FOXK2: variants seen among roughly 807,000 people sequenced by gnomAD.
The protein encoded by FOXK2 is forkhead box K2.
In FOXK2, 24 loss-of-function variants were observed where a neutral mutation model predicts 53.3. The observed-to-expected ratio is 0.45, with a 90% confidence interval of 0.33 to 0.63. The LOEUF is 0.63. FOXK2 is among the 30% of genes least tolerant of loss of function. The pLI is 0.03. For missense variants in FOXK2, 952 were observed against 910.5 expected, an observed-to-expected ratio of 1.05 and a Z score of -0.59; for synonymous variants, 505 against 407.1, an observed-to-expected ratio of 1.24 and a Z score of -2.89.
intron 3 of FOXK2, among the ~76,000 whole-genome samples, chr17:82,569,076 A>C (rs987097841): frequency 1.3e-5 from 2 of 152,194 alleles, no homozygotes; most frequent in Non-Finnish European, 2.9e-5. Flanking sequence ...GGTGATTAGG[A>C]TATTGTGCTT....
chr17:82,599,981 G>A (rs935134815), intron 8 of FOXK2: 1 of 152,750 alleles, frequency 6.5e-6, no homozygotes, highest in Non-Finnish European at 1.5e-5. Flanking sequence ...AGCCTGAAGT[G>A]GTTGCTGCAC....
intron 1 of FOXK2, among the ~76,000 whole-genome samples, chr17:82,531,834 A>G (rs897465754): frequency 6.6e-6 from 1 of 152,118 alleles, no homozygotes; most frequent in Non-Finnish European, 1.5e-5. Flanking sequence ...AACACTGGAC[A>G]TTTAGGCTAT....
At chr17:82,588,984 G>C (rs964671823) in intron 8 of FOXK2, among the ~76,000 whole-genome samples, 1 of 151,468 alleles carries the variant, frequency 6.6e-6, no homozygotes, top group African/African-American at 2.4e-5. Context: ...GCTTGAACCC[G>C]AGTGTGGAGG....
At chr17:82,594,370 C>T (rs1598239540) in intron 8 of FOXK2, among the ~76,000 whole-genome samples, 1 of 152,112 alleles carries the variant, frequency 6.6e-6, no homozygotes, top group East Asian at 1.9e-4. Context: ...TGGTGGCGGG[C>T]GCCTGTAGTC....
chr17:82,601,577 G>A lies in FOXK2; in HGVS notation c.*78G>A. The A allele has an allele frequency of 1.4e-6, 2 of 1,412,670 alleles. No homozygotes were observed. The highest frequency in any genetic ancestry group is 1.9e-6 in the Non-Finnish European group (2 of 1,056,198). The allele number at this position is 1,412,670 out of a possible 1,614,324, so 87.5% of individuals were successfully genotyped here. On this transcript the variant is annotated 3_prime_UTR_variant, in exon 9 of 9. Transcript: ENST00000335255. ...ACGCGGCCTCCCGCCAGCACTCGGG[G>A]GTGCAGGGCCCTGTGGTTGGACTTC...
At position 82,563,814 on chromosome 17, in the gene FOXK2, CTA is replaced by C. The variant is rs544098186; in HGVS notation, c.614+268_614+269del. Among the ~76,000 whole-genome samples the C allele has an allele frequency of 8.4e-3, 1,049 of 125,570 alleles. 7 individuals are homozygous for C. Among genetic ancestry groups the C allele is most frequent in the Non-Finnish European group, 0.013 (811 of 61,604 alleles). 82.4% of individuals were successfully genotyped at this position (125,570 alleles called of 152,430 possible). A position where few individuals can be genotyped will look rare whatever the true frequency, so the allele number is the denominator to read the frequency against. ...TTGCCCAGGCTGGAGTGCAGTGGTGCTATCTTGGCTCACTGCAACCTCTGCCT... is the reference window on the plus strand; with the variant it reads ...TTGCCCAGGCTGGAGTGCAGTGGTGCTCTTGGCTCACTGCAACCTCTGCCT... On this transcript the variant is annotated intron_variant, in intron 2 of 8. Transcript: ENST00000335255.
At chr17:82,555,152 C>T (rs1328424884) in intron 1 of FOXK2, among the ~76,000 whole-genome samples, 1 of 152,192 alleles carries the variant, frequency 6.6e-6, no homozygotes, top group Non-Finnish European at 1.5e-5. Flanking sequence ...CACTTAAACT[C>T]CATCATTGAC....
In FOXK2 at chr17:82,553,894, C is replaced by T. The variant is rs146865217; in HGVS notation, c.420-9460C>T. Among the ~76,000 whole-genome samples the T allele has an allele frequency of 2.5e-3, 386 of 152,094 alleles. 1 individual carries two copies. Among genetic ancestry groups the T allele is most frequent in the African/African-American group, 8.7e-3 (359 of 41,484 alleles). ...CTGTTGCCAGGCTGGAGGGCAGTGG[C>T]GTGATCTCAGCTCACTGCAGTCTCC... is the stretch of plus-strand genomic sequence containing the variant. On this transcript the variant is annotated intron_variant, in intron 1 of 8. Transcript: ENST00000335255.
At chr17:82,539,480 C>T (rs2044553678) in intron 1 of FOXK2, among the ~76,000 whole-genome samples, 1 of 151,734 alleles carries the variant, frequency 6.6e-6, no homozygotes, top group South Asian at 2.1e-4. Flanking sequence ...GACCCTGTCT[C>T]TACAAAAAAA....
intron 6 of FOXK2, among the ~76,000 whole-genome samples, chr17:82,584,509 A>C: frequency 7.4e-6 from 1 of 136,032 alleles, no homozygotes; most frequent in East Asian, 2.5e-4. Context: ...ACAAAAACCC[A>C]TGAAGTAGAC....
Position 82,584,197 on chromosome 17 carries a change from G to A in FOXK2, c.1279+9G>A. 1 of 1,580,978 alleles carries A rather than the reference G, an allele frequency of 6.3e-7. No homozygotes were observed. Among genetic ancestry groups the A allele is most frequent in the Non-Finnish European group, 8.6e-7 (1 of 1,162,480 alleles). On this transcript the variant is annotated intron_variant, in intron 6 of 8. Coordinates refer to ENST00000335255, the MANE Select transcript of FOXK2 (RefSeq NM_004514.4). ...TGCCCAGAGCGCCCCAGGTGAGACA[G>A]CGGGAGAGGAAGCGAGGGCCCCAAC...
At chr17:82,572,557 G>A (rs554684923) in intron 4 of FOXK2, among the ~76,000 whole-genome samples, 1 of 150,596 alleles carries the variant, frequency 6.6e-6, no homozygotes, top group South Asian at 2.1e-4. Context: ...TTTAGATTAT[G>A]TAGGTTTTTT....
intron 2 of FOXK2, among the ~76,000 whole-genome samples, chr17:82,567,231 C>T (rs1198947823): frequency 1.3e-5 from 2 of 152,186 alleles, no homozygotes; most frequent in Non-Finnish European, 2.9e-5. Flanking sequence ...TTTCCCCAAA[C>T]ACACCTCTCT....
At chr17:82,595,940 A>C (rs2045305531) in intron 8 of FOXK2, 1 of 1,255,170 alleles carries the variant, frequency 8.0e-7, no homozygotes, top group Non-Finnish European at 1.0e-6. Context: ...CGACAGGTGG[A>C]AGGTTGTCCA....
intron 8 of FOXK2, among the ~76,000 whole-genome samples, chr17:82,592,762 G>A (rs2045264795): frequency 6.6e-6 from 1 of 152,228 alleles, no homozygotes; most frequent in African/African-American, 2.4e-5. Context: ...TGTGGCGCCT[G>A]GTGTGAGGGC....
rs749440636 is a variant in FOXK2 at position 82,520,131 on chromosome 17, G to A, written c.243G>A (p.Glu81=). Residue 81 remains glutamate (E), a synonymous_variant, in exon 1 of 9, where the codon GAG becomes GAA. Transcript: ENST00000335255. The stretch of plus-strand genomic sequence containing the variant: ...GCTTCATCTCCCGGCGCCACCTCGA[G>A]ATCTTCACGCCCCCGGGCGGCGGCG... ...HSSFISRRHL[E]IFTPPGGGGH... is the part of the protein sequence containing the mutation. The A allele has an allele frequency of 1.3e-6, 2 of 1,536,382 alleles. No individual in the cohort carries two copies. Among genetic ancestry groups the A allele is most frequent in the Admixed American group, 1.9e-5 (1 of 51,338 alleles).
intron 1 of FOXK2, chr17:82,559,364 G>C (rs568769308): frequency 2.2e-6 from 1 of 456,376 alleles, no homozygotes. Context: ...CTCAGAGCCA[G>C]CTTCGTGTGC....
chr17:82,571,126 G>A (rs961985667), intron 3 of FOXK2, among the ~76,000 whole-genome samples: 3 of 152,192 alleles, frequency 2.0e-5, no homozygotes, highest in Non-Finnish European at 4.4e-5. Context: ...TACCCCTGGG[G>A]TAGCTGACAG....
chr17:82,587,459 C>A, intron 8 of FOXK2, 187 bp downstream of exon 8: 1 of 611,572 alleles, frequency 1.6e-6, no homozygotes. Flanking sequence ...CATGGGATTC[C>A]CGTGGGAGGA....
Sources: gnomAD v4.1 joint callset for allele counts (sites outside exome capture counted in the v4.1 genomes callset) on GRCh38, gnomAD v4.1.1 for gene constraint, MANE v1.5 for transcripts, NCBI Gene and HGNC (gene_info 2026-07-23, HGNC 2026-07-21) for gene names.